The following TFB1M variants were observed in gnomAD, a reference collection of about 807,000 sequenced individuals.
TFB1M encodes dimethyladenosine transferase 1, mitochondrial.
In TFB1M, 27 loss-of-function variants were observed where a neutral mutation model predicts 31.1. That is an observed-to-expected ratio of 0.87 (90% CI 0.64 to 1.20). The LOEUF is 1.20. Ranked by LOEUF, TFB1M falls within the 50% of genes most tolerant of loss-of-function variation. The pLI is 0.00. For synonymous variants in TFB1M, 166 were observed against 151.8 expected (o/e 1.09, Z -0.69); for missense variants, 394 against 418.7 (o/e 0.94, Z 0.51).
the TFB1M span, among the ~76,000 whole-genome samples, chr6:155,233,073 A>G: frequency 6.6e-6 from 1 of 152,178 alleles, no homozygotes; most frequent in African/African-American, 2.4e-5. Flanking sequence ...TGAGCCAGGA[A>G]AGGCGGGCAC....
chr6:155,274,590 T>C (rs988165826), intron 5 of TFB1M, among the ~76,000 whole-genome samples: 30 of 152,244 alleles, frequency 2.0e-4, no homozygotes, highest in African/African-American at 7.2e-4. Context: ...AGAAAGGACC[T>C]CATGTTCTTA....
chr6:155,257,269 T>G lies in TFB1M; in HGVS notation c.*567A>C. 1 of 882,106 alleles carries G rather than the reference T, an allele frequency of 1.1e-6. No homozygotes were observed. Among genetic ancestry groups the G allele is most frequent in the East Asian group, 2.7e-5 (1 of 37,462 alleles). 54.6% of individuals were successfully genotyped at this position (882,106 alleles called of 1,614,324 possible). ...TTTCCCACAAAATGGTTGTAAAGAT[T>G]TAAGTTATTTTAATTTATTGTGGAT... On this transcript the variant is annotated 3_prime_UTR_variant, in exon 7 of 7. Transcript: ENST00000367166.
Position 155,257,061 on chromosome 6 carries a change from T to C in TFB1M, c.*775A>G. Reference sequence around the variant, plus strand: ...TAGAGCGAGAATTCAGTGTCCAGAGTTTAACATCTGTTGTCAGTGAGGAGT... The same window carrying C: ...TAGAGCGAGAATTCAGTGTCCAGAGCTTAACATCTGTTGTCAGTGAGGAGT... On this transcript the variant is annotated 3_prime_UTR_variant, in exon 7 of 7. Transcript: ENST00000367166. 6.2e-7 allele frequency: 1 copy of C among 1,614,104 alleles called. No individual in the cohort carries two copies. Among genetic ancestry groups the C allele is most frequent in the African/African-American group, 1.3e-5 (1 of 75,006 alleles).
chr6:155,285,562 T>C lies in TFB1M; in HGVS notation c.547-285A>G, dbSNP rs145980878. 4.0e-4 allele frequency among the ~76,000 whole-genome samples: 61 copies of C among 152,314 alleles called. No individual in the cohort carries two copies. In the East Asian group the frequency reaches 0.011, roughly 28 times the overall value. ...TTGGGATTTTTGAACCACTGTTATA[T>C]TCTATAGCAGAAGGTCCTACATAAA... On this transcript the variant is annotated intron_variant, in intron 4 of 6. Transcript: ENST00000367166.
At chr6:155,300,722 C>G (rs1582869452) in intron 2 of TFB1M, among the ~76,000 whole-genome samples, 1 of 152,148 alleles carries the variant, frequency 6.6e-6, no homozygotes, top group African/African-American at 2.4e-5. Context: ...TTTTCCCACC[C>G]TGACAGGTAC....
the TFB1M span, chr6:155,245,620 T>C: frequency 6.2e-7 from 1 of 1,612,630 alleles, no homozygotes; most frequent in East Asian, 2.2e-5. Flanking sequence ...TCTGCCCTTC[T>C]AGAAATTACT....
the TFB1M span, chr6:155,240,645 C>G: frequency 1.2e-6 from 2 of 1,613,932 alleles, no homozygotes; most frequent in East Asian, 2.2e-5. Flanking sequence ...CGCCACCTGT[C>G]TGATGCAGAC....
chr6:155,251,055 C>G, the TFB1M span: 1 of 1,586,186 alleles, frequency 6.3e-7, no homozygotes, highest in Non-Finnish European at 8.7e-7. Context: ...GCAGACTGAA[C>G]AGAGGCTGGG....
downstream of TFB1M, chr6:155,254,172 C>A: frequency 1.7e-6 from 2 of 1,207,538 alleles, no homozygotes; most frequent in Non-Finnish European, 2.3e-6. Context: ...GGGTCATACT[C>A]CCCACCCTCC....
At chr6:155,230,261 C>T in the TFB1M span, among the ~76,000 whole-genome samples, 49 of 152,220 alleles carry the variant, frequency 3.2e-4, no homozygotes, top group Non-Finnish European at 7.3e-5. Context: ...TTGTGGTGTC[C>T]ACAGTTCCTA....
chr6:155,251,097 C>T, the TFB1M span: 17,465 of 1,251,274 alleles, frequency 0.014, 201 homozygotes, highest in Middle Eastern at 0.069. Context: ...CCGCACCAGT[C>T]CAGCTCACTC....
downstream of TFB1M, chr6:155,256,132 A>G: frequency 2.4e-6 from 1 of 417,114 alleles, no homozygotes. Context: ...AAAGCACCTT[A>G]GTGAAAGAAA....
chr6:155,288,528 T>C (rs1776766720), intron 4 of TFB1M, among the ~76,000 whole-genome samples: 1 of 152,202 alleles, frequency 6.6e-6, no homozygotes, highest in Non-Finnish European at 1.5e-5. Context: ...TCAAAATGCA[T>C]TGCAAATTTT....
At chr6:155,241,368 C>T in the TFB1M span, among the ~76,000 whole-genome samples, 1 of 152,192 alleles carries the variant, frequency 6.6e-6, no homozygotes, top group Non-Finnish European at 1.5e-5. Context: ...TTGAAGCTCG[C>T]TTCATTTGTC....
chr6:155,250,129 A>G, the TFB1M span, among the ~76,000 whole-genome samples: 1 of 152,200 alleles, frequency 6.6e-6, no homozygotes, highest in Non-Finnish European at 1.5e-5. Context: ...ATTTACATAT[A>G]GACATATCAT....
intron 5 of TFB1M, among the ~76,000 whole-genome samples, chr6:155,273,794 T>C (rs1304441715): frequency 1.3e-5 from 2 of 152,192 alleles, no homozygotes; most frequent in Non-Finnish European, 2.9e-5. Flanking sequence ...GGTGATATCC[T>C]ATCTGAACAT....
At chr6:155,302,556 A>T (rs1777476270) in intron 2 of TFB1M, among the ~76,000 whole-genome samples, 2 of 152,246 alleles carry the variant, frequency 1.3e-5, no homozygotes, top group African/African-American at 4.8e-5. Flanking sequence ...AAATAACTTG[A>T]ATTGTATTAA....
intron 5 of TFB1M, among the ~76,000 whole-genome samples, chr6:155,269,830 A>G (rs779722425): frequency 3.3e-5 from 5 of 152,234 alleles, no homozygotes; most frequent in Non-Finnish European, 7.3e-5. Context: ...TTCAAGTGCA[A>G]TTTATAGTTT....
At chr6:155,308,173 G>A (rs751131863) in intron 2 of TFB1M, among the ~76,000 whole-genome samples, 2 of 152,042 alleles carry the variant, frequency 1.3e-5, no homozygotes, top group African/African-American at 4.8e-5. Flanking sequence ...AAGAAACAAC[G>A]AAAAACTTAA....
Sources: allele counts gnomAD v4.1 joint callset (sites outside exome capture counted in the v4.1 genomes callset), GRCh38; gene constraint gnomAD v4.1.1; transcripts MANE v1.5; gene names NCBI Gene and HGNC (gene_info 2026-07-23, HGNC 2026-07-21).